ANTXR1: variants seen among roughly 807,000 people sequenced by gnomAD.
The protein encoded by ANTXR1 is ANTXR cell adhesion molecule 1, also known as anthrax toxin receptor 1.
Under a neutral mutation model 78.1 loss-of-function variants are expected in ANTXR1, and 19 were observed. The ratio of observed to expected loss-of-function variants is 0.24; its 90% CI spans 0.17 to 0.36. The LOEUF (loss-of-function observed/expected upper bound fraction) is 0.36. Among genes scored for constraint, ANTXR1 ranks in the 10% least tolerant of loss-of-function variants. The pLI, the probability that ANTXR1 is intolerant of heterozygous loss-of-function variation, is 1.00. For missense variants in ANTXR1, 518 were observed against 718.6 expected (o/e 0.72, Z 3.19); for synonymous variants, 273 against 260.5 (o/e 1.05, Z -0.46).
intron 1 of ANTXR1, among the ~76,000 whole-genome samples, chr2:69,039,083 G>C (rs926797477): frequency 2.0e-5 from 3 of 152,262 alleles, no homozygotes; most frequent in African/African-American, 7.2e-5. Context: ...TGTCAGAGTA[G>C]AAAGAGCAAA....
At chr2:69,079,606 C>A (rs1670840237) in intron 8 of ANTXR1, among the ~76,000 whole-genome samples, 1 of 152,056 alleles carries the variant, frequency 6.6e-6, no homozygotes, top group Non-Finnish European at 1.5e-5. Context: ...GGGTTGAAAC[C>A]AGATTAACAT....
intron 1 of ANTXR1, among the ~76,000 whole-genome samples, chr2:69,022,716 G>A (rs1364060649): frequency 6.6e-6 from 1 of 152,212 alleles, no homozygotes; most frequent in African/African-American, 2.4e-5. Context: ...TGAGTCATAA[G>A]ACTGAACAGG....
intron 17 of ANTXR1, among the ~76,000 whole-genome samples, chr2:69,223,225 A>G (rs573800990): frequency 1.2e-4 from 18 of 152,344 alleles, no homozygotes; most frequent in African/African-American, 3.4e-4. Flanking sequence ...ATACAGACTC[A>G]TGTGACCTAT....
intron 16 of ANTXR1, among the ~76,000 whole-genome samples, chr2:69,191,212 C>A (rs1674535989): frequency 6.6e-6 from 1 of 152,050 alleles, no homozygotes; most frequent in South Asian, 2.1e-4. Context: ...AATTCCTTGC[C>A]AAAATAGATG....
At chr2:69,182,152 T>A (rs1674291627) in intron 15 of ANTXR1, 6 of 566,938 alleles carry the variant, frequency 1.1e-5, no homozygotes, top group Middle Eastern at 9.6e-4. Flanking sequence ...CCACCGTGAG[T>A]CAGAGCAGGT....
chr2:69,080,935 G>T (rs1670880931), intron 8 of ANTXR1, among the ~76,000 whole-genome samples: 1 of 152,112 alleles, frequency 6.6e-6, no homozygotes, highest in South Asian at 2.1e-4. Context: ...CTAAATCCAA[G>T]GACAATAGGA....
chr2:69,059,411 A>T (rs1373589369), intron 3 of ANTXR1, among the ~76,000 whole-genome samples: 1 of 152,210 alleles, frequency 6.6e-6, no homozygotes. Context: ...GCAAAAGATT[A>T]TGATTCACTG....
intron 17 of ANTXR1, among the ~76,000 whole-genome samples, chr2:69,214,458 A>G (rs958498105): frequency 5.3e-5 from 8 of 152,174 alleles, no homozygotes; most frequent in African/African-American, 1.9e-4. Context: ...AAGCAGGTCC[A>G]CCCTCAAAAA....
At chr2:69,152,386 A>G in intron 13 of ANTXR1, 122 bp downstream of exon 13, 2 of 966,554 alleles carry the variant, frequency 2.1e-6, no homozygotes, top group Non-Finnish European at 3.3e-6. Flanking sequence ...CATTTTTTAT[A>G]CAATTTATAC....
intron 16 of ANTXR1, chr2:69,182,922 G>A: frequency 2.0e-6 from 1 of 494,052 alleles, no homozygotes; most frequent in Non-Finnish European, 3.6e-6. Flanking sequence ...ACAATATAGA[G>A]AAGATTAGCA....
At chr2:69,175,535 G>A (rs1035632036) in intron 14 of ANTXR1, among the ~76,000 whole-genome samples, 1 of 152,090 alleles carries the variant, frequency 6.6e-6, no homozygotes, top group Non-Finnish European at 1.5e-5. Context: ...GAGGCTGGAG[G>A]GTCACTTAAG....
chr2:69,147,333 T>C (rs899216103), intron 12 of ANTXR1, among the ~76,000 whole-genome samples: 1 of 152,268 alleles, frequency 6.6e-6, no homozygotes, highest in African/African-American at 2.4e-5. Flanking sequence ...ATTCTAATAT[T>C]GATATACATT....
chr2:69,116,614 G>A (rs576071992), intron 10 of ANTXR1, among the ~76,000 whole-genome samples: 14 of 152,236 alleles, frequency 9.2e-5, no homozygotes, highest in South Asian at 4.1e-4. Flanking sequence ...ACAGCAAGGC[G>A]AGCTCATTTC....
intron 1 of ANTXR1, among the ~76,000 whole-genome samples, chr2:69,018,491 G>GA (rs1354202400): frequency 6.6e-6 from 1 of 152,134 alleles, no homozygotes; most frequent in Non-Finnish European, 1.5e-5. Flanking sequence ...TTTTTTCTGG[G>GA]AAAATATCTT....
At chr2:69,191,849 C>T (rs1439542839) in intron 16 of ANTXR1, among the ~76,000 whole-genome samples, 1 of 152,226 alleles carries the variant, frequency 6.6e-6, no homozygotes, top group Admixed American at 6.5e-5. Context: ...ATTCCAATCT[C>T]AACTCTGGTT....
chr2:69,180,332 T>A (rs1433541339), intron 14 of ANTXR1, among the ~76,000 whole-genome samples: 1 of 152,242 alleles, frequency 6.6e-6, no homozygotes, highest in Non-Finnish European at 1.5e-5. Flanking sequence ...TGTTCATTCC[T>A]CTGCTTTATC....
In ANTXR1 at chr2:69,246,414, T is replaced by A. The variant is rs966820646; in HGVS notation, c.*929T>A. On this transcript the variant is annotated 3_prime_UTR_variant, in exon 18 of 18. Transcript: ENST00000303714. ...CCTGTTTTCCAGAGATAAACATAAG[T>A]TGATCTTCCCAAAATACCATCATTA... 6.6e-6 allele frequency: 1 copy of A among 152,250 alleles called. No individual in the cohort carries two copies. Among genetic ancestry groups the A allele is most frequent in the South Asian group, 2.1e-4 (1 of 4,824 alleles). The allele number at this position is 152,250 out of a possible 1,614,324, so 9.4% of individuals were successfully genotyped here.
chr2:69,139,313 G>A (rs1364138721), intron 12 of ANTXR1, among the ~76,000 whole-genome samples: 1 of 152,196 alleles, frequency 6.6e-6, no homozygotes, highest in African/African-American at 2.4e-5. Flanking sequence ...CCTCTGCTCT[G>A]AGCTCAGGCA....
At chr2:69,183,405 T>C (rs1674327475) in intron 16 of ANTXR1, among the ~76,000 whole-genome samples, 1 of 152,020 alleles carries the variant, frequency 6.6e-6, no homozygotes, top group Non-Finnish European at 1.5e-5. Flanking sequence ...TTTTATTTTC[T>C]ATTTATTTAT....
Sources: allele counts gnomAD v4.1 joint callset (sites outside exome capture counted in the v4.1 genomes callset), GRCh38; gene constraint gnomAD v4.1.1; transcripts MANE v1.5; gene names NCBI Gene and HGNC (gene_info 2026-07-23, HGNC 2026-07-21).